PHEX: variants seen among roughly 807,000 people sequenced by gnomAD.
The protein encoded by PHEX is phosphate regulating endopeptidase X-linked.
A neutral mutation model predicts 68.0 loss-of-function variants in PHEX; 16 were observed. The observed-to-expected ratio is 0.24, with a 90% CI of 0.16 to 0.36. The LOEUF (loss-of-function observed/expected upper bound fraction) is 0.36. PHEX is among the 10% of genes least tolerant of loss of function. The pLI is 1.00. For missense variants in PHEX, 480 were observed against 575.5 expected (o/e 0.83, Z 1.70); for synonymous variants, 208 against 205.1 (o/e 1.01, Z -0.12).
chrX:22,186,511 A>G (rs1934038469), intron 14 of PHEX, among the ~76,000 whole-genome samples: 1 of 112,720 alleles, frequency 8.9e-6, no homozygotes, highest in Admixed American at 9.4e-5. Flanking sequence ...AATATATAAT[A>G]AACTTGGATG....
At chrX:22,073,506 C>G (rs765266954) in intron 3 of PHEX, among the ~76,000 whole-genome samples, 1 of 110,695 alleles carries the variant, frequency 9.0e-6, no homozygotes, top group South Asian at 3.8e-4. Context: ...TATTATGTTG[C>G]CTTTAAAAAA....
chrX:22,126,864 G>GTTTTTTTT (rs35691469), intron 11 of PHEX, among the ~76,000 whole-genome samples: 5 of 54,606 alleles, frequency 9.2e-5, no homozygotes, highest in Non-Finnish European at 1.3e-4. Context: ...TGAAATAGTT[G>GTTTTTTTT]TTTTTTTTTT....
At chrX:22,122,948 C>T (rs770336878) in intron 11 of PHEX, among the ~76,000 whole-genome samples, 1 of 108,026 alleles carries the variant, frequency 9.3e-6, no homozygotes, top group African/African-American at 3.4e-5. Flanking sequence ...GTCACAAGGC[C>T]GGTCCAGATT....
chrX:22,101,948 C>G (rs1930448814), intron 9 of PHEX, among the ~76,000 whole-genome samples: 1 of 111,264 alleles, frequency 9.0e-6, no homozygotes, highest in African/African-American at 3.3e-5. Flanking sequence ...GGCAGGCACT[C>G]TTTTTTAATT....
intron 15 of PHEX, among the ~76,000 whole-genome samples, chrX:22,203,192 G>A (rs779734495): frequency 9.0e-6 from 1 of 111,005 alleles, no homozygotes; most frequent in Admixed American, 9.7e-5. Flanking sequence ...TGGTCACCCT[G>A]GTAAAGGGTG....
chrX:22,042,701 C>T (rs1258065891), intron 2 of PHEX, among the ~76,000 whole-genome samples: 1 of 111,660 alleles, frequency 9.0e-6, no homozygotes, highest in Non-Finnish European at 1.9e-5. Context: ...AGGACAATCA[C>T]TTGAACCTGG....
intron 20 of PHEX, among the ~76,000 whole-genome samples, chrX:22,238,936 T>C (rs56126612): frequency 0.37 from 40,770 of 110,244 alleles, 5,914 homozygotes; most frequent in African/African-American, 0.47. Context: ...GGCTGGGAGA[T>C]ACCTCCCAGT....
intron 5 of PHEX, among the ~76,000 whole-genome samples, chrX:22,083,896 ATCCTTGTCTTGTTCTACATCTT>A (rs1929501056): frequency 8.9e-6 from 1 of 112,145 alleles, no homozygotes; most frequent in South Asian, 3.7e-4. Flanking sequence ...CAAAACAGGC[ATCCTTGTCTTGTTCTACATCTT>A]AAAAGAAAGG....
intron 18 of PHEX, among the ~76,000 whole-genome samples, chrX:22,224,991 A>ATGGTTTATTATCATACAGCTC (rs1569433283): frequency 9.3e-6 from 1 of 107,144 alleles, no homozygotes; most frequent in Non-Finnish European, 2.0e-5. Flanking sequence ...ACAGCTCTGT[A>ATGGTTTATTATCATACAGCTC]TGTCAGAAGT....
At chrX:22,095,174 C>T (rs1434854002) in intron 7 of PHEX, among the ~76,000 whole-genome samples, 1 of 111,455 alleles carries the variant, frequency 9.0e-6, no homozygotes, top group Non-Finnish European at 1.9e-5. Flanking sequence ...GTGTATAGCT[C>T]TCTCCAAACT....
In PHEX at chrX:22,096,058, C is replaced by T. The variant is rs765787095; in HGVS notation, c.850-897C>T. Among the ~76,000 whole-genome samples, 9 of 111,536 alleles carry T rather than the reference C, an allele frequency of 8.1e-5. No individual in the cohort carries two copies. The South Asian group carries it at 3.4e-3, about 42-fold the overall frequency. On this transcript the variant is annotated intron_variant, in intron 7 of 21. Transcript: ENST00000379374. ...TCTTGGGCAGTCCTGAGTCATAGTT[C>T]AAACCATGGAGGTGGTGATGGTGGA...
rs776593525 is a variant in PHEX at position 22,038,851 on chromosome X, G to A, written c.187+314G>A. On this transcript the variant is annotated intron_variant, in intron 2 of 21. Coordinates refer to ENST00000379374, the MANE Select transcript of PHEX (RefSeq NM_000444.6). ...AGAACATTGGTCTTCCTATGGCTCC[G>A]CTGGCTATGAATTCCTCTTTACCTT... 5.4e-5 allele frequency among the ~76,000 whole-genome samples: 6 copies of A among 111,693 alleles called. No individual in the cohort carries two copies. The South Asian group carries it at 1.5e-3, about 28-fold the overall frequency.
At chrX:22,224,141 C>T (rs1490560285) in intron 18 of PHEX, among the ~76,000 whole-genome samples, 3 of 111,387 alleles carry the variant, frequency 2.7e-5, no homozygotes, top group Non-Finnish European at 5.7e-5. Flanking sequence ...AGCCACCACG[C>T]CTGGCTGATT....
intron 12 of PHEX, among the ~76,000 whole-genome samples, chrX:22,167,044 C>A (rs949506277): frequency 2.7e-5 from 3 of 111,599 alleles, no homozygotes; most frequent in Non-Finnish European, 5.6e-5. Flanking sequence ...TAATCCATTC[C>A]TCTGTTAATA....
intron 15 of PHEX, among the ~76,000 whole-genome samples, chrX:22,212,556 A>C (rs1269523028): frequency 2.7e-5 from 3 of 112,044 alleles, no homozygotes; most frequent in African/African-American, 9.7e-5. Flanking sequence ...GTGTGACTAC[A>C]CAGGTTGCAC....
intron 3 of PHEX, among the ~76,000 whole-genome samples, chrX:22,059,334 A>G (rs766500292): frequency 8.9e-6 from 1 of 112,491 alleles, no homozygotes; most frequent in East Asian, 2.8e-4. Context: ...ACCAACAGCA[A>G]TCATGATTAT....
chrX:22,219,869 A>C (rs1569431466), intron 17 of PHEX, among the ~76,000 whole-genome samples: 3 of 111,681 alleles, frequency 2.7e-5, no homozygotes, highest in Admixed American at 9.5e-5. Context: ...TGCCCACCTC[A>C]GCTTCCCAAA....
chrX:22,142,107 C>A lies in PHEX; in HGVS notation c.1404+8483C>A, dbSNP rs376657114. 3.4e-3 allele frequency among the ~76,000 whole-genome samples: 382 copies of A among 111,267 alleles called. 5 individuals are homozygous for A. Among genetic ancestry groups the A allele is most frequent in the African/African-American group, 0.012 (361 of 30,593 alleles). On this transcript the variant is annotated intron_variant, in intron 12 of 21. Transcript: ENST00000379374. The stretch of plus-strand genomic sequence containing the variant: ...CTCTACTAAAAATACAAAAAATTAG[C>A]CGGGTGTGGTGGCAGGCGCCTGTAA...
At chrX:22,128,576 C>T (rs995558922) in intron 11 of PHEX, among the ~76,000 whole-genome samples, 13 of 110,991 alleles carry the variant, frequency 1.2e-4, no homozygotes, top group African/African-American at 4.3e-4. Flanking sequence ...CATAGGAATC[C>T]AAAAATTCCA....
Sources: gnomAD v4.1 joint callset for allele counts (sites outside exome capture counted in the v4.1 genomes callset) on GRCh38, gnomAD v4.1.1 for gene constraint, MANE v1.5 for transcripts, NCBI Gene and HGNC (gene_info 2026-07-23, HGNC 2026-07-21) for gene names.